PIRT: variants seen among roughly 807,000 people sequenced by gnomAD.
PIRT encodes phosphoinositide-interacting protein.
A neutral mutation model predicts 7.9 loss-of-function variants in PIRT; 6 were observed. That is an observed-to-expected ratio of 0.76 (90% confidence interval 0.42 to 1.51). The LOEUF is 1.51. PIRT is among the 40% of genes most tolerant of loss of function. The pLI, the probability that PIRT is intolerant of heterozygous loss-of-function variation, is 0.01. For missense variants in PIRT, 170 were observed against 172.9 expected (o/e 0.98, Z 0.09); for synonymous variants, 78 against 71.8 (o/e 1.09, Z -0.44).
intron 1 of PIRT, among the ~76,000 whole-genome samples, chr17:10,834,896 G>GT (rs35273994): frequency 0.017 from 2,319 of 139,182 alleles, 47 homozygotes; most frequent in African/African-American, 0.047. Flanking sequence ...AGCGTTGTTT[G>GT]TTTTTTTTTT....
In PIRT at chr17:10,833,992, C is replaced by T. The variant is rs186741391; in HGVS notation, c.-139+3953G>A. The stretch of plus-strand genomic sequence containing the variant: ...TCACAATACCGTAGGTTGGTGTGAA[C>T]GTGGAACAACCCGAGCTGGTGGGAA... On this transcript the variant is annotated intron_variant, in intron 1 of 1. Transcript: ENST00000580256. Among the ~76,000 whole-genome samples the T allele has an allele frequency of 1.2e-4, 19 of 152,130 alleles. No individual in the cohort carries two copies. The East Asian group carries it at 2.1e-3, about 17-fold the overall frequency.
At chr17:10,827,047 G>A (rs1010792611) in intron 1 of PIRT, among the ~76,000 whole-genome samples, 1 of 151,998 alleles carries the variant, frequency 6.6e-6, no homozygotes, top group Non-Finnish European at 1.5e-5. Flanking sequence ...CCTGACCTCA[G>A]GTGATCTACC....
At chr17:10,830,512 G>A (rs1031780316) in intron 1 of PIRT, among the ~76,000 whole-genome samples, 7 of 152,098 alleles carry the variant, frequency 4.6e-5, no homozygotes, top group African/African-American at 9.7e-5. Context: ...ATAGGGTTGC[G>A]GTACAGTCAA....
At chr17:10,829,982 TC>T (rs1425844089) in intron 1 of PIRT, among the ~76,000 whole-genome samples, 1 of 120,118 alleles carries the variant, frequency 8.3e-6, no homozygotes, top group African/African-American at 2.9e-5. Flanking sequence ...TATCTATCTA[TC>T]TATCTATCTA....
chr17:10,833,520 G>A (rs1271641822), intron 1 of PIRT, among the ~76,000 whole-genome samples: 13 of 152,092 alleles, frequency 8.5e-5, no homozygotes, highest in East Asian at 1.9e-4. Flanking sequence ...TTGAAAGGCC[G>A]AGGCAGCAGA....
At chr17:10,826,449 C>T (rs2151533329) in intron 1 of PIRT, among the ~76,000 whole-genome samples, 1 of 152,270 alleles carries the variant, frequency 6.6e-6, no homozygotes, top group East Asian at 1.9e-4. Flanking sequence ...TGAAATAATG[C>T]CTAGCATATG....
At chr17:10,830,871 T>C (rs948176612) in intron 1 of PIRT, among the ~76,000 whole-genome samples, 1 of 152,144 alleles carries the variant, frequency 6.6e-6, no homozygotes, top group East Asian at 1.9e-4. Flanking sequence ...TTGTAGGATG[T>C]TTGTATTGTA....
In PIRT at chr17:10,825,220, C is replaced by A. The variant is rs181679714; in HGVS notation, c.*12G>T. 1 of 1,610,830 alleles carries A rather than the reference C, an allele frequency of 6.2e-7. No individual in the cohort carries two copies. Among genetic ancestry groups the A allele is most frequent in the Non-Finnish European group, 8.5e-7 (1 of 1,177,828 alleles). ...TCCCAGTCAAGGTGGCAGGGAGATG[C>A]GGAAACCACCATCAGCGAGTCAGGA... On this transcript the variant is annotated 3_prime_UTR_variant, in exon 2 of 2. Transcript: ENST00000580256.
rs368903596 is a variant in PIRT, at chr17:10,825,504, T to G, written c.142A>C (p.Asn48His). 5.6e-6 allele frequency: 9 copies of G among 1,613,712 alleles called. No homozygotes were observed. The highest frequency in any genetic ancestry group is 7.6e-6 in the Non-Finnish European group (9 of 1,179,832). ...ATGGGCTTGCGGTAGATTTCCCAGT[T>G]ACTCCTGGGGGTGGTGGTCCAGACA... ...ESVWTTTPRSNWEIYRKPIVI... is the reference protein window; with the variant it reads ...ESVWTTTPRSHWEIYRKPIVI... Residue 48 changes from asparagine to histidine, a missense_variant, in exon 2 of 2, where the codon AAC becomes CAC. Transcript: ENST00000580256.
At chr17:10,828,187 G>A (rs576019065) in intron 1 of PIRT, among the ~76,000 whole-genome samples, 2 of 152,112 alleles carry the variant, frequency 1.3e-5, no homozygotes, top group South Asian at 2.1e-4. Flanking sequence ...AAGCTCAGGC[G>A]GTTGCTGCTC....
At chr17:10,836,725 G>A (rs990605267) in intron 1 of PIRT, among the ~76,000 whole-genome samples, 1 of 152,172 alleles carries the variant, frequency 6.6e-6, no homozygotes, top group African/African-American at 2.4e-5. Context: ...AAGCAGAGGA[G>A]AGAGGCACAC....
rs1222166246 is a variant in PIRT at position 10,822,749 on chromosome 17, T to A, written c.*2483A>T. The A allele has an allele frequency of 6.6e-6, 1 of 152,200 alleles. No individual in the cohort carries two copies. The highest frequency in any genetic ancestry group is 1.5e-5 in the Non-Finnish European group (1 of 68,042). The allele number at this position is 152,200 out of a possible 1,614,324, so 9.4% of individuals were successfully genotyped here. A position where few individuals can be genotyped will look rare whatever the true frequency, so the allele number is the denominator to read the frequency against. ...TAACAGGCATTGGCAAAAAATGTCC[T>A]GCCTCAGTGTGACCCTGGAACCTTT... On this transcript the variant is annotated 3_prime_UTR_variant, in exon 2 of 2. Transcript: ENST00000580256.
At chr17:10,830,247 G>A (rs559833619) in intron 1 of PIRT, among the ~76,000 whole-genome samples, 2 of 152,316 alleles carry the variant, frequency 1.3e-5, no homozygotes, top group Admixed American at 1.3e-4. Context: ...ATAAACAGAA[G>A]CAGGCAGGCA....
In PIRT at chr17:10,830,360, A is replaced by G. The variant is rs182347997; in HGVS notation, c.-138-4577T>C. The stretch of plus-strand genomic sequence containing the variant: ...TACTTGCAGAAGCTGCTTGTGATGG[A>G]AAGACCCAGGTCTTTGGCATCAGAG... On this transcript the variant is annotated intron_variant, in intron 1 of 1. Coordinates refer to ENST00000580256, the MANE Select transcript of PIRT (RefSeq NM_001101387.2). Among the ~76,000 whole-genome samples, 17 of 152,314 alleles carry G rather than the reference A, an allele frequency of 1.1e-4. No individual in the cohort carries two copies. In the East Asian group the frequency reaches 3.3e-3, roughly 29 times the overall value.
intron 1 of PIRT, among the ~76,000 whole-genome samples, chr17:10,828,366 C>T (rs2151534184): frequency 6.6e-6 from 1 of 152,302 alleles, no homozygotes; most frequent in South Asian, 2.1e-4. Context: ...GGCCTCTGGA[C>T]CTTGGCTTCT....
intron 1 of PIRT, among the ~76,000 whole-genome samples, chr17:10,837,187 T>C (rs1467587218): frequency 6.6e-6 from 1 of 152,226 alleles, no homozygotes; most frequent in Non-Finnish European, 1.5e-5. Context: ...ACCTCCCTTG[T>C]TGGGCCACCC....
chr17:10,827,215 T>C lies in PIRT; in HGVS notation c.-138-1432A>G, dbSNP rs1237318525. Among the ~76,000 whole-genome samples, 7 of 152,186 alleles carry C rather than the reference T, an allele frequency of 4.6e-5. No individual in the cohort carries two copies. The Middle Eastern group carries it at 0.014, about 296-fold the overall frequency. ...CTTCCTATTCTCAGGCCTGGAAAGG[T>C]ATGGAGTCTCACTCAATTGCCCACC... On this transcript the variant is annotated intron_variant, in intron 1 of 1. Transcript: ENST00000580256.
chr17:10,835,804 G>A (rs754011504), intron 1 of PIRT, among the ~76,000 whole-genome samples: 4 of 152,096 alleles, frequency 2.6e-5, no homozygotes, highest in Non-Finnish European at 4.4e-5. Flanking sequence ...TTCGCCTGGG[G>A]AGTCTCTTTT....
intron 1 of PIRT, among the ~76,000 whole-genome samples, chr17:10,835,779 G>A (rs116779903): frequency 8.0e-4 from 122 of 152,352 alleles, no homozygotes; most frequent in African/African-American, 2.1e-3. Context: ...AAGATGCCTG[G>A]CATGTGCCAC....
Sources: allele counts gnomAD v4.1 joint callset (sites outside exome capture counted in the v4.1 genomes callset), GRCh38; gene constraint gnomAD v4.1.1; transcripts MANE v1.5; gene names NCBI Gene and HGNC (gene_info 2026-07-23, HGNC 2026-07-21).